Variants in CAMK4 observed in about 807,000 individuals in gnomAD.
CAMK4 encodes the protein calcium/calmodulin dependent protein kinase IV.
In CAMK4, 22 loss-of-function variants were observed where a neutral mutation model predicts 44.9. That is an observed-to-expected ratio of 0.49 (90% CI 0.35 to 0.70). The LOEUF is 0.70. Ranked by LOEUF, CAMK4 falls within the 30% of genes least tolerant of loss-of-function variation. CAMK4 has a pLI of 0.01. For missense variants in CAMK4, 498 were observed against 586.8 expected (o/e 0.85, Z 1.56); for synonymous variants, 218 against 215.4 (o/e 1.01, Z -0.11).
chr5:111,229,483 G>T (rs79709723), intron 1 of CAMK4, among the ~76,000 whole-genome samples: 1 of 152,230 alleles, frequency 6.6e-6, no homozygotes, highest in Non-Finnish European at 1.5e-5. Context: ...TTGGAATAAG[G>T]CTTCAACATG....
At chr5:111,249,748 G>T (rs1321446708) in intron 1 of CAMK4, among the ~76,000 whole-genome samples, 1 of 149,352 alleles carries the variant, frequency 6.7e-6, no homozygotes, top group Admixed American at 6.7e-5. Context: ...TTATTTTAGG[G>T]CTATAGGTTA....
At position 111,374,168 on chromosome 5, in the gene CAMK4, A is replaced by G. The variant is rs536705537; in HGVS notation, c.241-682A>G. Among the ~76,000 whole-genome samples the G allele has an allele frequency of 1.6e-4, 25 of 152,304 alleles. 1 individual carries two copies. In the South Asian group the frequency reaches 5.2e-3, roughly 32 times the overall value. On this transcript the variant is annotated intron_variant, in intron 2 of 10. Transcript: ENST00000282356. Reference sequence around the variant, plus strand: ...AACTGAATCTAGGGGCTTAAATTGTATTAACAGTCCTCTTCATAACTCAGC... The same window carrying G: ...AACTGAATCTAGGGGCTTAAATTGTGTTAACAGTCCTCTTCATAACTCAGC...
chr5:111,377,065 T>C (rs1751239842), intron 4 of CAMK4, 123 bp downstream of exon 4: 1 of 592,272 alleles, frequency 1.7e-6, no homozygotes, highest in African/African-American at 1.9e-5. Context: ...TAAATACTAC[T>C]AAAAAAAGTC....
At chr5:111,452,498 G>A (rs1055879994) in intron 7 of CAMK4, among the ~76,000 whole-genome samples, 15 of 152,086 alleles carry the variant, frequency 9.9e-5, no homozygotes, top group Admixed American at 7.2e-4. Flanking sequence ...AGACAAATTA[G>A]CTATTGTAAA....
At chr5:111,429,454 G>A (rs752530112) in intron 5 of CAMK4, among the ~76,000 whole-genome samples, 6 of 151,924 alleles carry the variant, frequency 3.9e-5, no homozygotes, top group Non-Finnish European at 7.4e-5. Context: ...AACCTGAACA[G>A]ACCAATAAAA....
intron 1 of CAMK4, among the ~76,000 whole-genome samples, chr5:111,299,160 A>T (rs1318042894): frequency 6.6e-6 from 1 of 152,252 alleles, no homozygotes. Context: ...AGTCAGGAGT[A>T]GGCCAAGGCG....
At chr5:111,315,549 C>A (rs536075586) in intron 1 of CAMK4, among the ~76,000 whole-genome samples, 1 of 152,228 alleles carries the variant, frequency 6.6e-6, no homozygotes, top group Admixed American at 6.5e-5. Context: ...CATAAAATAT[C>A]TAATTTAATC....
At chr5:111,453,839 T>C (rs768329176) in intron 7 of CAMK4, among the ~76,000 whole-genome samples, 6 of 152,076 alleles carry the variant, frequency 3.9e-5, no homozygotes, top group Non-Finnish European at 7.4e-5. Context: ...CAGTTTAGGA[T>C]TGCCTAGTTT....
At chr5:111,261,547 C>G (rs985197290) in intron 1 of CAMK4, among the ~76,000 whole-genome samples, 1 of 147,830 alleles carries the variant, frequency 6.8e-6, no homozygotes, top group Non-Finnish European at 1.5e-5. Flanking sequence ...TAGTTTCCTT[C>G]TCTGACCCTA....
intron 1 of CAMK4, among the ~76,000 whole-genome samples, chr5:111,279,560 A>G (rs546670579): frequency 6.6e-6 from 1 of 152,324 alleles, no homozygotes; most frequent in African/African-American, 2.4e-5. Context: ...ATAGAACACA[A>G]TTATTCTACT....
intron 1 of CAMK4, among the ~76,000 whole-genome samples, chr5:111,329,026 A>G (rs1749032704): frequency 6.6e-6 from 1 of 151,942 alleles, no homozygotes; most frequent in Non-Finnish European, 1.5e-5. Context: ...AAGCTTACCC[A>G]CCATGATCAA....
intron 1 of CAMK4, among the ~76,000 whole-genome samples, chr5:111,295,408 G>A (rs762524665): frequency 1.3e-5 from 2 of 152,236 alleles, no homozygotes; most frequent in Non-Finnish European, 2.9e-5. Flanking sequence ...AAAGTGAACC[G>A]TGGGAATTTT....
chr5:111,387,444 A>G (rs994797053), intron 4 of CAMK4, among the ~76,000 whole-genome samples: 1 of 152,198 alleles, frequency 6.6e-6, no homozygotes, highest in African/African-American at 2.4e-5. Context: ...AAAAAGATTC[A>G]TGTTATTCCA....
chr5:111,394,623 CT>C, intron 4 of CAMK4, 86 bp from the exon 5 acceptor site: 2 of 861,422 alleles, frequency 2.3e-6, no homozygotes, highest in Non-Finnish European at 1.9e-6. Context: ...TGTGCACCAT[CT>C]TTAACATTAA....
At chr5:111,296,100 C>T (rs1349975444) in intron 1 of CAMK4, among the ~76,000 whole-genome samples, 1 of 152,202 alleles carries the variant, frequency 6.6e-6, no homozygotes, top group Non-Finnish European at 1.5e-5. Context: ...AGCCCACATA[C>T]TTTCTTCTAG....
Position 111,486,500 on chromosome 5 carries a change from A to AACAGAC in CAMK4, c.*2037_*2038insGACACA, listed in dbSNP as rs1554075787. On this transcript the variant is annotated 3_prime_UTR_variant, in exon 11 of 11. Coordinates refer to ENST00000282356, the MANE Select transcript of CAMK4 (RefSeq NM_001744.6). ...GTTGTACTTTTTACCATGAGACTGA[A>AACAGAC]ACACACACACACACACACACACACA... The AACAGAC allele has an allele frequency of 9.7e-6, 1 of 103,578 alleles. No individual in the cohort carries two copies. The highest frequency in any genetic ancestry group is 2.9e-4 in the East Asian group (1 of 3,390). 6.4% of individuals were successfully genotyped at this position (103,578 alleles called of 1,614,324 possible).
intron 8 of CAMK4, among the ~76,000 whole-genome samples, chr5:111,475,947 C>T (rs1158881059): frequency 3.3e-5 from 5 of 152,090 alleles, no homozygotes; most frequent in Admixed American, 2.0e-4. Context: ...AGAGAAGTAA[C>T]CAAATGAAGA....
At chr5:111,380,925 T>C (rs1751389942) in intron 4 of CAMK4, among the ~76,000 whole-genome samples, 1 of 152,210 alleles carries the variant, frequency 6.6e-6, no homozygotes, top group African/African-American at 2.4e-5. Context: ...TGTCAAGTCT[T>C]ATTCACAAGG....
chr5:111,457,659 T>A (rs978706374), intron 7 of CAMK4, among the ~76,000 whole-genome samples: 1 of 152,200 alleles, frequency 6.6e-6, no homozygotes, highest in Non-Finnish European at 1.5e-5. Flanking sequence ...TAAGCTACAT[T>A]TTCTCTAACA....
Sources: allele counts gnomAD v4.1 joint callset (sites outside exome capture counted in the v4.1 genomes callset), GRCh38; gene constraint gnomAD v4.1.1; transcripts MANE v1.5; gene names NCBI Gene and HGNC (gene_info 2026-07-23, HGNC 2026-07-21).